The following CDH23 variants were observed in gnomAD, a reference collection of about 807,000 sequenced individuals.
CDH23 encodes cadherin related 23.
CDH23 carries 189 observed loss-of-function variants against 317.1 expected under a neutral mutation model. That is an observed-to-expected ratio of 0.60 (90% CI 0.53 to 0.67). The LOEUF is 0.67. Ranked by LOEUF, CDH23 falls within the 30% of genes least tolerant of loss-of-function variation. The pLI is 0.00. For missense variants in CDH23, 4,401 were observed against 4,592.4 expected (o/e 0.96, Z 1.20); for synonymous variants, 1,839 against 1,876.8 (o/e 0.98, Z 0.52).
chr10:71,424,222 G>C (rs1021561647), intron 1 of CDH23, among the ~76,000 whole-genome samples: 2 of 152,210 alleles, frequency 1.3e-5, no homozygotes, highest in Non-Finnish European at 2.9e-5. Flanking sequence ...CCCGCCTGAT[G>C]GTTCCCAGGT....
chr10:71,473,899 C>G (rs1291819874), intron 3 of CDH23, among the ~76,000 whole-genome samples: 1 of 152,238 alleles, frequency 6.6e-6, no homozygotes, highest in Non-Finnish European at 1.5e-5. Flanking sequence ...CCTCCACTTA[C>G]CCAGTCGTTA....
rs150828952 is a variant in CDH23 at position 71,527,126 on chromosome 10, G to A, written c.429+15914G>A. Among the ~76,000 whole-genome samples the A allele has an allele frequency of 4.0e-3, 612 of 152,320 alleles. 4 individuals are homozygous for A. Among genetic ancestry groups the A allele is most frequent in the African/African-American group, 0.013 (561 of 41,574 alleles). ...ACCCCAGTGCCCTAGGTCAGCGTAG[G>A]ACAGAGTGGGGTGGGGATGCCAGAC... On this transcript the variant is annotated intron_variant, in intron 6 of 69. Coordinates refer to ENST00000224721, the MANE Select transcript of CDH23 (RefSeq NM_022124.6).
At chr10:71,486,933 G>A (rs1852384066) in intron 3 of CDH23, among the ~76,000 whole-genome samples, 1 of 152,126 alleles carries the variant, frequency 6.6e-6, no homozygotes, top group African/African-American at 2.4e-5. Flanking sequence ...CTGAGCAAGA[G>A]AGCCAGGCCT....
chr10:71,570,715 T>A, intron 7 of CDH23, 75 bp from the exon 8 acceptor site: 1 of 1,518,998 alleles, frequency 6.6e-7, no homozygotes, highest in Non-Finnish European at 8.9e-7. Flanking sequence ...CAGGTCTGTG[T>A]GTGTGTGTAC....
In CDH23 at chr10:71,756,678, G is replaced by A. The variant is rs138178970; in HGVS notation, c.4845+14757G>A. The stretch of plus-strand genomic sequence containing the variant: ...TGCAGGAGTTTAGCTGGGAACAGAC[G>A]TGCCCTCAGAACCACAACCAACATA... On this transcript the variant is annotated intron_variant, in intron 38 of 69. Transcript: ENST00000224721. Among the ~76,000 whole-genome samples the A allele has an allele frequency of 3.8e-3, 585 of 152,270 alleles. 5 individuals carry two copies. Among genetic ancestry groups the A allele is most frequent in the African/African-American group, 0.013 (544 of 41,542 alleles).
At chr10:71,700,081 A>G (rs1474998516) in intron 22 of CDH23, among the ~76,000 whole-genome samples, 1 of 152,216 alleles carries the variant, frequency 6.6e-6, no homozygotes, top group Non-Finnish European at 1.5e-5. Flanking sequence ...AAAATAAAAT[A>G]GGGAGAAAAT....
chr10:71,431,512 G>A (rs1220942055), intron 1 of CDH23, among the ~76,000 whole-genome samples: 1 of 152,370 alleles, frequency 6.6e-6, no homozygotes, highest in Non-Finnish European at 1.5e-5. Flanking sequence ...GGTGTCATCT[G>A]CAGGCGCCTT....
chr10:71,746,590 T>A (rs1022748560), intron 38 of CDH23, among the ~76,000 whole-genome samples: 2 of 152,124 alleles, frequency 1.3e-5, no homozygotes, highest in Non-Finnish European at 2.9e-5. Flanking sequence ...TTTAAGTGGT[T>A]GTCAGGGAGG....
intron 14 of CDH23, among the ~76,000 whole-genome samples, chr10:71,656,075 G>A (rs1416301026): frequency 6.6e-6 from 1 of 152,170 alleles, no homozygotes; most frequent in Non-Finnish European, 1.5e-5. Context: ...GAGAAGATGG[G>A]CTGGAGGCCT....
rs760000245 is a variant in CDH23, at chr10:71,751,711, G to A, written c.4845+9790G>A. 11 of 1,570,898 alleles carry A rather than the reference G, an allele frequency of 7.0e-6. No individual in the cohort carries two copies. The African/African-American group carries it at 8.2e-5, about 12-fold the overall frequency. On this transcript the variant is annotated intron_variant, in intron 38 of 69. Transcript: ENST00000224721. This position sits in a 1 kb window ranked among gnomAD's most constrained non-coding sequence, Gnocchi z 4.9. ...CGTCTCCGGGGCCTGGAGGAGACAG[G>A]GGGGTGCTGGGCTCCGAAAGCAGAT...
chr10:71,738,533 C>T lies in CDH23; in HGVS notation c.4245C>T (p.Ser1415=), dbSNP rs2132841315. The stretch of plus-strand genomic sequence containing the variant: ...CTGTGCTGGACGAGAATGACAACAG[C>T]CCCCGGTTTGACTTCACCTCCGACT... The part of the protein sequence containing the change: ...YITVLDENDN[S]PRFDFTSDSA... Residue 1415 remains serine, a synonymous_variant, in exon 35 of 70, where the codon AGC becomes AGT. Transcript: ENST00000224721. 6.2e-7 allele frequency: 1 copy of T among 1,613,974 alleles called. No individual in the cohort carries two copies. The highest frequency in any genetic ancestry group is 8.5e-7 in the Non-Finnish European group (1 of 1,179,898).
intron 11 of CDH23, among the ~76,000 whole-genome samples, chr10:71,642,706 C>T (rs1225855944): frequency 1.3e-5 from 2 of 152,168 alleles, no homozygotes; most frequent in African/African-American, 4.8e-5. Flanking sequence ...GGCCTGGGCC[C>T]GGCCTCTTAT....
chr10:71,733,768 G>A (rs1227063), intron 32 of CDH23, among the ~76,000 whole-genome samples: 18,982 of 152,258 alleles, frequency 0.12, 1,423 homozygotes, highest in South Asian at 0.17. Flanking sequence ...TTACTCCTTC[G>A]TCTTTGCTTT....
At chr10:71,492,331 G>A (rs1465497824) in intron 3 of CDH23, among the ~76,000 whole-genome samples, 2 of 152,204 alleles carry the variant, frequency 1.3e-5, no homozygotes, top group Non-Finnish European at 2.9e-5. Context: ...TGGAAGGGTA[G>A]ATACTAATTC....
At chr10:71,692,499 G>A (rs1315394404) in intron 20 of CDH23, among the ~76,000 whole-genome samples, 2 of 152,188 alleles carry the variant, frequency 1.3e-5, no homozygotes, top group Admixed American at 6.5e-5. Context: ...ACAAGTTCAC[G>A]TTTAAAACTT....
intron 14 of CDH23, among the ~76,000 whole-genome samples, chr10:71,649,020 A>G (rs571947588): frequency 1.3e-5 from 2 of 152,330 alleles, no homozygotes; most frequent in African/African-American, 4.8e-5. Flanking sequence ...TCTCATCTGC[A>G]AAATGGGCCC....
At chr10:71,813,404 CTG>C in intron 69 of CDH23, 56 bp downstream of exon 69, 1 of 1,382,204 alleles carries the variant, frequency 7.2e-7, no homozygotes, top group Non-Finnish European at 1.0e-6. Context: ...GGGATGCTCT[CTG>C]TCTCTTGCTG....
At chr10:71,756,400 G>C (rs1840149206) in intron 38 of CDH23, among the ~76,000 whole-genome samples, 1 of 152,166 alleles carries the variant, frequency 6.6e-6, no homozygotes, top group African/African-American at 2.4e-5. Flanking sequence ...ATTTATTGAA[G>C]CAGTCCCCTG....
chr10:71,397,933 C>G lies in CDH23; in HGVS notation c.-6+615C>G, dbSNP rs12248115. Among the ~76,000 whole-genome samples the G allele has an allele frequency of 0.087, 13,308 of 152,302 alleles. 1,816 individuals are homozygous for G. The highest frequency in any genetic ancestry group is 0.29 in the African/African-American group (11,907 of 41,536). ...GACGCGCCCCTCGAGGAGCCGGGAG[C>G]CTTTTGCGGCTCTCGCTTCGCCTTC... On this transcript the variant is annotated intron_variant, in intron 1 of 69. Coordinates refer to ENST00000224721, the MANE Select transcript of CDH23 (RefSeq NM_022124.6). This position sits in a 1 kb window ranked among gnomAD's most constrained non-coding sequence, Gnocchi z 4.8.
Sources: allele counts gnomAD v4.1 joint callset (sites outside exome capture counted in the v4.1 genomes callset), GRCh38; gene constraint gnomAD v4.1.1; non-coding constraint Gnocchi (gnomAD v3.1); transcripts MANE v1.5; gene names NCBI Gene and HGNC (gene_info 2026-07-23, HGNC 2026-07-21).